Variants in CLNK observed in about 807,000 individuals in gnomAD.
CLNK encodes the protein cytokine-dependent hematopoietic cell linker.
CLNK carries 74 observed loss-of-function variants against 68.6 expected under a neutral mutation model. The observed-to-expected ratio is 1.08, with a 90% CI of 0.89 to 1.31. The LOEUF is 1.31. Among genes scored for constraint, CLNK ranks in the 50% most tolerant of loss-of-function variants. The pLI is 0.00. For missense variants in CLNK, 553 were observed against 515.3 expected (o/e 1.07, Z -0.71); for synonymous variants, 198 against 172.2 (o/e 1.15, Z -1.17).
intron 3 of CLNK, among the ~76,000 whole-genome samples, chr4:10,589,368 C>CAAATTGT (rs1721102476): frequency 1.3e-5 from 2 of 152,134 alleles, no homozygotes; most frequent in Non-Finnish European, 2.9e-5. Flanking sequence ...CTGGGAGCTT[C>CAAATTGT]CTCCCAATTG....
chr4:10,655,329 A>G (rs1024456859), intron 2 of CLNK, among the ~76,000 whole-genome samples: 20 of 131,960 alleles, frequency 1.5e-4, no homozygotes, highest in Middle Eastern at 3.6e-3. Flanking sequence ...TAAAACCCCC[A>G]AAGACAGAGA....
chr4:10,665,392 G>A (rs1385365110), intron 2 of CLNK, among the ~76,000 whole-genome samples: 3 of 152,244 alleles, frequency 2.0e-5, no homozygotes, highest in East Asian at 1.9e-4. Flanking sequence ...AGAGTCGGGC[G>A]CGGTGGCTCA....
intron 4 of CLNK, among the ~76,000 whole-genome samples, chr4:10,572,166 C>T (rs1720379577): frequency 6.6e-6 from 1 of 152,214 alleles, no homozygotes. Flanking sequence ...CCCTTCTCTT[C>T]CCCCACAAGG....
intron 12 of CLNK, among the ~76,000 whole-genome samples, chr4:10,529,124 T>C (rs1235258292): frequency 6.6e-6 from 1 of 152,218 alleles, no homozygotes; most frequent in Non-Finnish European, 1.5e-5. Flanking sequence ...AGACCTCAGG[T>C]ATCATTTAGA....
chr4:10,644,113 G>A lies in CLNK; in HGVS notation c.11+23746C>T, dbSNP rs140272186. ...CTGAGTATGGCTCATACTGAGGGGC[G>A]GAGCCTCGTGGGAAGTAGTCACAAG... On this transcript the variant is annotated intron_variant, in intron 2 of 18. Transcript: ENST00000226951. Among the ~76,000 whole-genome samples the A allele has an allele frequency of 7.7e-3, 1,173 of 152,326 alleles. 12 individuals are homozygous for A. The highest frequency in any genetic ancestry group is 0.013 in the Non-Finnish European group (902 of 68,036).
At chr4:10,576,903 G>A (rs778123929) in intron 4 of CLNK, among the ~76,000 whole-genome samples, 9 of 152,222 alleles carry the variant, frequency 5.9e-5, no homozygotes, top group Non-Finnish European at 1.3e-4. Flanking sequence ...ACTTCTGGGA[G>A]CTCAAATCTC....
At chr4:10,548,447 G>T (rs889535060) in intron 8 of CLNK, among the ~76,000 whole-genome samples, 1 of 152,114 alleles carries the variant, frequency 6.6e-6, no homozygotes, top group African/African-American at 2.4e-5. Context: ...CTCCCATTTT[G>T]TAGTTTGCCT....
the CLNK span, among the ~76,000 whole-genome samples, chr4:10,723,742 T>A: frequency 3.9e-5 from 6 of 152,298 alleles, no homozygotes; most frequent in African/African-American, 1.4e-4. Flanking sequence ...ACATAGTAGA[T>A]AACACAGGTT....
chr4:10,649,862 T>A (rs999536759), intron 2 of CLNK, among the ~76,000 whole-genome samples: 1 of 150,768 alleles, frequency 6.6e-6, no homozygotes, highest in Non-Finnish European at 1.5e-5. Flanking sequence ...TTGTAAGAAA[T>A]ATGAGCAGGC....
intron 8 of CLNK, among the ~76,000 whole-genome samples, chr4:10,549,890 GGCTTT>G (rs1206277764): frequency 6.6e-6 from 1 of 152,168 alleles, no homozygotes; most frequent in Non-Finnish European, 1.5e-5. Context: ...GAGACTCATT[GGCTTT>G]GCAGTCTCAG....
intron 11 of CLNK, 147 bp from the exon 12 acceptor site, chr4:10,532,430 A>G (rs1256573247): frequency 3.1e-6 from 2 of 651,742 alleles, no homozygotes; most frequent in Non-Finnish European, 5.3e-6. Context: ...ACTCTTCCAT[A>G]AAACTAAAGC....
chr4:10,715,185 G>A, the CLNK span, among the ~76,000 whole-genome samples: 1 of 152,182 alleles, frequency 6.6e-6, no homozygotes. Context: ...CAGCAGCATT[G>A]AAACACTGGG....
chr4:10,532,806 T>C (rs1462835362), intron 11 of CLNK, among the ~76,000 whole-genome samples: 1 of 152,172 alleles, frequency 6.6e-6, no homozygotes, highest in African/African-American at 2.4e-5. Flanking sequence ...AACATGGAAT[T>C]GAATAATATG....
chr4:10,662,983 C>T (rs1319826394), intron 2 of CLNK, among the ~76,000 whole-genome samples: 1 of 152,188 alleles, frequency 6.6e-6, no homozygotes, highest in Admixed American at 6.5e-5. Context: ...TGACTTTCAC[C>T]CAAATTCCCA....
At chr4:10,712,318 G>T in the CLNK span, among the ~76,000 whole-genome samples, 1 of 152,008 alleles carries the variant, frequency 6.6e-6, no homozygotes, top group South Asian at 2.1e-4. Context: ...CAGGGGTGGG[G>T]TGGTGGTGGT....
intron 2 of CLNK, among the ~76,000 whole-genome samples, chr4:10,640,594 G>T (rs114443602): frequency 6.6e-6 from 1 of 152,152 alleles, no homozygotes; most frequent in Non-Finnish European, 1.5e-5. Context: ...TAAGGAAACC[G>T]CATGAACATT....
chr4:10,506,579 C>G (rs1418726655), intron 17 of CLNK, among the ~76,000 whole-genome samples: 2 of 152,158 alleles, frequency 1.3e-5, no homozygotes, highest in Non-Finnish European at 2.9e-5. Flanking sequence ...TTTGGGCAAA[C>G]CTTGATTAAG....
intron 7 of CLNK, among the ~76,000 whole-genome samples, chr4:10,564,436 G>A (rs1316675439): frequency 1.3e-5 from 2 of 152,144 alleles, no homozygotes; most frequent in Admixed American, 1.3e-4. Context: ...GTGATCTCTG[G>A]CTCACAATCT....
At chr4:10,522,256 T>C (rs1339432446) in intron 14 of CLNK, among the ~76,000 whole-genome samples, 2 of 12,208 alleles carry the variant, frequency 1.6e-4, no homozygotes, top group African/African-American at 5.7e-4. Context: ...AGACTCTGTC[T>C]CAAAAAAAAA....
Sources: allele counts gnomAD v4.1 joint callset (sites outside exome capture counted in the v4.1 genomes callset), GRCh38; gene constraint gnomAD v4.1.1; transcripts MANE v1.5; gene names NCBI Gene and HGNC (gene_info 2026-07-23, HGNC 2026-07-21).